The following MPPED1 variants were observed in gnomAD, a reference collection of about 807,000 sequenced individuals.
MPPED1 encodes the protein metallophosphoesterase domain containing 1, also known as metallophosphoesterase domain-containing protein 1.
In MPPED1, 16 loss-of-function variants were observed where a neutral mutation model predicts 36.2. The observed-to-expected ratio is 0.44, with a 90% CI of 0.30 to 0.67. The LOEUF (loss-of-function observed/expected upper bound fraction) is 0.67, where lower values mean the gene tolerates loss of function less well. Ranked by LOEUF, MPPED1 falls within the 30% of genes least tolerant of loss-of-function variation. MPPED1 has a pLI of 0.10. For synonymous variants in MPPED1, 199 were observed against 191.3 expected, an observed-to-expected ratio of 1.04 and a Z score of -0.33; for missense variants, 307 against 453.4, an observed-to-expected ratio of 0.68 and a Z score of 2.93.
At chr22:43,445,796 C>T (rs1406238544) in intron 3 of MPPED1, among the ~76,000 whole-genome samples, 1 of 151,394 alleles carries the variant, frequency 6.6e-6, no homozygotes, top group Non-Finnish European at 1.5e-5. Context: ...TCTCGAACTC[C>T]TGGGCTCAGG....
intron 4 of MPPED1, among the ~76,000 whole-genome samples, chr22:43,496,457 G>A (rs1932366510): frequency 1.3e-5 from 1 of 77,660 alleles, no homozygotes; most frequent in Admixed American, 1.3e-4. Context: ...GGTAGTGGTG[G>A]TGGAGATGGT....
At chr22:43,441,888 C>T (rs888603083) in intron 3 of MPPED1, among the ~76,000 whole-genome samples, 1 of 152,146 alleles carries the variant, frequency 6.6e-6, no homozygotes, top group East Asian at 1.9e-4. Flanking sequence ...CACACACAAT[C>T]GTTTTGCCTC....
At chr22:43,415,442 T>C (rs1254258866) in intron 1 of MPPED1, among the ~76,000 whole-genome samples, 1 of 152,142 alleles carries the variant, frequency 6.6e-6, no homozygotes, top group Non-Finnish European at 1.5e-5. Flanking sequence ...AAGACTTAGT[T>C]ATACTTTATT....
rs140584422 is a variant in MPPED1, at chr22:43,472,057, C to T, written c.407-2679C>T. Among the ~76,000 whole-genome samples, 1,304 of 152,252 alleles carry T rather than the reference C, an allele frequency of 8.6e-3. 18 individuals are homozygous for T. The highest frequency in any genetic ancestry group is 0.028 in the African/African-American group (1,182 of 41,544). On this transcript the variant is annotated intron_variant, in intron 3 of 6. Coordinates refer to ENST00000443721, the MANE Select transcript of MPPED1 (RefSeq NM_001044370.2). ...TGAATGAAGTGGACTGGGTGTGAGA[C>T]GGTAGGGACAGGTGGGGATTGGGGC...
chr22:43,440,406 G>T (rs540047745), intron 3 of MPPED1, among the ~76,000 whole-genome samples: 1 of 152,126 alleles, frequency 6.6e-6, no homozygotes, highest in Admixed American at 6.5e-5. Flanking sequence ...CCCCCTGGAG[G>T]CCAGGGTGCT....
rs985581395 is a variant in MPPED1 at position 43,419,498 on chromosome 22, A to G, written c.-78-5410A>G. Among the ~76,000 whole-genome samples, 8 of 152,264 alleles carry G rather than the reference A, an allele frequency of 5.3e-5. No individual in the cohort carries two copies. In the East Asian group the frequency reaches 1.5e-3, roughly 29 times the overall value. On this transcript the variant is annotated intron_variant, in intron 1 of 6. Transcript: ENST00000443721. ...GGCAGGACCCCCTCTGTGCCAGGGA[A>G]AGCCTGCATGACTGAGCCGGGCCTG...
At chr22:43,500,402 A>ATGGTGATGGAGGTGGTG in intron 5 of MPPED1, among the ~76,000 whole-genome samples, 1 of 27,996 alleles carries the variant, frequency 3.6e-5, no homozygotes, top group East Asian at 1.0e-3. Context: ...TGGAGGTGGT[A>ATGGTGATGGAGGTGGTG]GTGGTGGTGA....
intron 2 of MPPED1, among the ~76,000 whole-genome samples, chr22:43,432,921 GAGAGAGAGAGGGAA>G (rs1929811751): frequency 6.4e-5 from 3 of 46,794 alleles, no homozygotes; most frequent in Admixed American, 2.9e-4. Flanking sequence ...AGAAAGGGAG[GAGAGAGAGAGGGAA>G]AGAGAGAGAA....
intron 3 of MPPED1, among the ~76,000 whole-genome samples, chr22:43,448,326 T>C (rs549432292): frequency 6.6e-6 from 1 of 152,322 alleles, no homozygotes; most frequent in African/African-American, 2.4e-5. Context: ...CAAAATTCAG[T>C]TAGTGTGACT....
chr22:43,502,522 T>C lies in MPPED1; in HGVS notation c.749-122T>C. The C allele has an allele frequency of 1.4e-6, 1 of 716,336 alleles. No individual in the cohort carries two copies. Among genetic ancestry groups the C allele is most frequent in the Non-Finnish European group, 2.4e-6 (1 of 419,184 alleles). The allele number at this position is 716,336 out of a possible 1,614,324, so 44.4% of individuals were successfully genotyped here. On this transcript the variant is annotated intron_variant, in intron 5 of 6. Transcript: ENST00000443721. This position sits in a 1 kb window ranked among gnomAD's most constrained non-coding sequence, Gnocchi z 5.5. ...CGGAGAGCTTGCTAGGGGAGAGTGG[T>C]GCAAAGCCGGAGTCCGGAAGCCCCA...
chr22:43,494,570 C>T (rs1337251304), intron 4 of MPPED1, among the ~76,000 whole-genome samples: 7 of 152,152 alleles, frequency 4.6e-5, no homozygotes, highest in Admixed American at 2.0e-4. Flanking sequence ...AAGACCTACA[C>T]GAATCCAGTA....
rs141033716 is a variant in MPPED1, at chr22:43,480,527, G to T, written c.632+5566G>T. On this transcript the variant is annotated intron_variant, in intron 4 of 6. Coordinates refer to ENST00000443721, the MANE Select transcript of MPPED1 (RefSeq NM_001044370.2). ...CTTTTGGGAAGTGCTCAAGTCTTTT[G>T]TCCATTAAAAACAATAATTGGATTG... 6.3e-3 allele frequency among the ~76,000 whole-genome samples: 959 copies of T among 152,230 alleles called. 12 individuals are homozygous for T. The highest frequency in any genetic ancestry group is 0.022 in the African/African-American group (932 of 41,528).
chr22:43,442,086 C>T (rs1039818459), intron 3 of MPPED1, among the ~76,000 whole-genome samples: 3 of 151,924 alleles, frequency 2.0e-5, no homozygotes, highest in Non-Finnish European at 4.4e-5. Flanking sequence ...CTGGTGCAAG[C>T]TGGTGGTTGA....
chr22:43,437,576 C>A (rs1377722620), intron 3 of MPPED1, among the ~76,000 whole-genome samples: 1 of 152,094 alleles, frequency 6.6e-6, no homozygotes, highest in Non-Finnish European at 1.5e-5. Context: ...GTGGACGATG[C>A]TGATTGGAAG....
intron 4 of MPPED1, among the ~76,000 whole-genome samples, chr22:43,483,611 A>T (rs1333574377): frequency 5.3e-5 from 8 of 152,224 alleles, no homozygotes. Context: ...TAAATCTTTT[A>T]TAAAACATTT....
intron 4 of MPPED1, among the ~76,000 whole-genome samples, chr22:43,485,423 C>T (rs116284535): frequency 0.029 from 4,406 of 152,092 alleles, 232 homozygotes; most frequent in African/African-American, 0.1. Flanking sequence ...CATATTCATA[C>T]ACACATTCAC....
intron 1 of MPPED1, chr22:43,416,506 C>T (rs764986596): frequency 6.6e-6 from 1 of 152,240 alleles, no homozygotes; most frequent in Non-Finnish European, 1.5e-5. Flanking sequence ...CTTCCCCTCC[C>T]TAGCCATGTA....
intron 3 of MPPED1, among the ~76,000 whole-genome samples, chr22:43,466,238 C>T (rs1398855881): frequency 6.6e-6 from 1 of 152,198 alleles, no homozygotes; most frequent in East Asian, 1.9e-4. Flanking sequence ...CAGCAGCCTC[C>T]CATGAGGACC....
chr22:43,437,129 C>A (rs1426648273), intron 3 of MPPED1, among the ~76,000 whole-genome samples: 2 of 152,292 alleles, frequency 1.3e-5, no homozygotes, highest in South Asian at 2.1e-4. Context: ...TGAATCGAAG[C>A]CCATTTGCTG....
Sources: gnomAD v4.1 joint callset for allele counts (sites outside exome capture counted in the v4.1 genomes callset) on GRCh38, gnomAD v4.1.1 for gene constraint, Gnocchi (gnomAD v3.1) non-coding constraint, MANE v1.5 for transcripts, NCBI Gene and HGNC (gene_info 2026-07-23, HGNC 2026-07-21) for gene names.